Variants in GAS7 observed in about 807,000 individuals in gnomAD.
The protein encoded by GAS7 is growth arrest specific 7.
Under a neutral mutation model 71.1 loss-of-function variants are expected in GAS7, and 28 were observed. That is an observed-to-expected ratio of 0.39 (90% CI 0.29 to 0.54). The LOEUF is 0.54. Ranked by LOEUF, GAS7 falls within the 20% of genes least tolerant of loss-of-function variation. The probability of loss-of-function intolerance (pLI) is 0.62; values close to 1 mark genes in which losing one functional copy is unlikely to be tolerated. For synonymous variants in GAS7, 258 were observed against 245.8 expected (o/e 1.05, Z -0.46); for missense variants, 436 against 627.8 (o/e 0.69, Z 3.27).
rs556034403 is a variant in GAS7, at chr17:10,174,333, A to G, written c.183+23875T>C. On this transcript the variant is annotated intron_variant, in intron 1 of 13. Coordinates refer to ENST00000432992, the MANE Select transcript of GAS7 (RefSeq NM_201433.2). ...TATAGGGGATGCAGTCTGTAGAACA[A>G]ACAGCAACTCACCTTGCAGGGTGAG... Among the ~76,000 whole-genome samples the G allele has an allele frequency of 7.2e-5, 11 of 152,356 alleles. 1 individual carries two copies. Among genetic ancestry groups the G allele is most frequent in the Middle Eastern group, 3.4e-3 (1 of 294 alleles).
intron 1 of GAS7, among the ~76,000 whole-genome samples, chr17:10,031,102 A>G (rs1399793344): frequency 6.6e-6 from 1 of 152,336 alleles, no homozygotes; most frequent in South Asian, 2.1e-4. Context: ...TCTCCCAGCC[A>G]TGGGCCTGAA....
intron 1 of GAS7, among the ~76,000 whole-genome samples, chr17:10,091,686 G>A (rs2073583319): frequency 6.6e-6 from 1 of 151,872 alleles, no homozygotes; most frequent in Non-Finnish European, 1.5e-5. Flanking sequence ...ACGCCCAGCT[G>A]GGGTTTTGTT....
At chr17:10,155,829 T>C (rs1210345890) in intron 1 of GAS7, among the ~76,000 whole-genome samples, 1 of 152,242 alleles carries the variant, frequency 6.6e-6, no homozygotes, top group East Asian at 1.9e-4. Context: ...ATAATGGTCC[T>C]ATTTCCAGAT....
intron 1 of GAS7, among the ~76,000 whole-genome samples, chr17:10,121,017 G>A (rs1001204161): frequency 3.3e-5 from 5 of 152,258 alleles, no homozygotes; most frequent in Admixed American, 1.3e-4. Flanking sequence ...GAGCTGCAAC[G>A]GTCCTCCATC....
At chr17:10,190,030 A>G (rs1358833922) in intron 1 of GAS7, among the ~76,000 whole-genome samples, 1 of 152,154 alleles carries the variant, frequency 6.6e-6, no homozygotes, top group African/African-American at 2.4e-5. Context: ...TCAGTCCATA[A>G]ATAAAGTTTT....
chr17:10,034,763 T>C lies in GAS7; in HGVS notation c.184-14866A>G, dbSNP rs2072707165. 6.6e-6 allele frequency among the ~76,000 whole-genome samples: 1 copy of C among 152,196 alleles called. No homozygotes were observed. The highest frequency in any genetic ancestry group is 1.5e-5 in the Non-Finnish European group (1 of 68,034). ...TGGGCTGTGCCCCAAACACCAAGGA[T>C]CCTGCCTTACTGCACCCAGGATTCT... On this transcript the variant is annotated intron_variant, in intron 1 of 13. Coordinates refer to ENST00000432992, the MANE Select transcript of GAS7 (RefSeq NM_201433.2). The surrounding 1 kb of genome is among the most constrained non-coding windows in gnomAD (Gnocchi z 4.4).
chr17:10,112,854 GAAAA>G (rs1003051337), intron 1 of GAS7, among the ~76,000 whole-genome samples: 1 of 151,316 alleles, frequency 6.6e-6, no homozygotes, highest in South Asian at 2.1e-4. Context: ...GAAAAGAAAA[GAAAA>G]AAAGAAAAAG....
intron 1 of GAS7, among the ~76,000 whole-genome samples, chr17:10,111,038 A>G (rs1301622117): frequency 6.6e-6 from 1 of 152,238 alleles, no homozygotes; most frequent in African/African-American, 2.4e-5. Context: ...CTATTTAGAC[A>G]GGGCTAGTTT....
chr17:9,950,595 C>T (rs2068965238), intron 5 of GAS7, among the ~76,000 whole-genome samples: 3 of 152,152 alleles, frequency 2.0e-5, no homozygotes, highest in Admixed American at 6.6e-5. Context: ...TGGTGGCTCA[C>T]GCCTGTAATC....
chr17:9,936,032 G>A (rs2068388223), intron 8 of GAS7, among the ~76,000 whole-genome samples: 1 of 152,194 alleles, frequency 6.6e-6, no homozygotes, highest in Non-Finnish European at 1.5e-5. Context: ...AGGTTAGGGT[G>A]TTTCCATGGG....
Position 9,934,219 on chromosome 17 carries a change from C to T in GAS7, c.832G>A (p.Val278Met), listed in dbSNP as rs745889411. 6.2e-7 allele frequency: 1 copy of T among 1,612,630 alleles called. No individual in the cohort carries two copies. The highest frequency in any genetic ancestry group is 8.5e-7 in the Non-Finnish European group (1 of 1,178,840). ...GCTTCGTCCGCCAGGCTCTTCTTCA[C>T]CTGGGCCCACGCCTCTCCCAAGGAG... ...EGSLGEAWAQVKKSLADEAEV... is the reference protein window; with the variant it reads ...EGSLGEAWAQMKKSLADEAEV... Residue 278 changes from valine (V) to methionine (M), a missense_variant, in exon 9 of 14, where the codon GTG becomes ATG. By Grantham distance (21) the Val-to-Met change is conservative. Transcript: ENST00000432992.
chr17:10,188,545 C>T lies in GAS7; in HGVS notation c.183+9663G>A, dbSNP rs149387153. Reference sequence around the variant, plus strand: ...AATACCATTTTTTTTTTACATATTTCTGTCTTCAAGCTGTTTTTTAATTAA... The same window carrying T: ...AATACCATTTTTTTTTTACATATTTTTGTCTTCAAGCTGTTTTTTAATTAA... On this transcript the variant is annotated intron_variant, in intron 1 of 13. Coordinates refer to ENST00000432992, the MANE Select transcript of GAS7 (RefSeq NM_201433.2). Among the ~76,000 whole-genome samples the T allele has an allele frequency of 2.4e-3, 372 of 152,180 alleles. 1 individual carries two copies. The highest frequency in any genetic ancestry group is 8.6e-3 in the African/African-American group (359 of 41,506).
intron 1 of GAS7, among the ~76,000 whole-genome samples, chr17:10,145,866 T>C (rs1413353485): frequency 6.6e-6 from 1 of 152,178 alleles, no homozygotes; most frequent in Non-Finnish European, 1.5e-5. Flanking sequence ...GAATGGCTCA[T>C]TATTTTGTTT....
In GAS7 at chr17:9,959,070, C is replaced by T. The variant is rs1414120185; in HGVS notation, c.525+132G>A. The T allele has an allele frequency of 9.7e-6, 13 of 1,340,466 alleles. No homozygotes were observed. The highest frequency in any genetic ancestry group is 8.1e-5 in the Admixed American group (3 of 37,082). The allele number at this position is 1,340,466 out of a possible 1,614,324, so 83.0% of individuals were successfully genotyped here. A position where few individuals can be genotyped will look rare whatever the true frequency, so the allele number is the denominator to read the frequency against. On this transcript the variant is annotated intron_variant, in intron 5 of 13. Transcript: ENST00000432992. This position sits in a 1 kb window ranked among gnomAD's most constrained non-coding sequence, Gnocchi z 5.0. The stretch of plus-strand genomic sequence containing the variant: ...GTGGATGGGGAACTTGAGTGAAATC[C>T]GAGCTTTGGAACTTCCCCGTTTCCA...
intron 2 of GAS7, among the ~76,000 whole-genome samples, chr17:10,016,619 A>C (rs1488890273): frequency 3.4e-5 from 5 of 147,442 alleles, no homozygotes; most frequent in Admixed American, 2.0e-4. Context: ...AAAAAAAAAA[A>C]AAAAACAAAA....
chr17:10,009,671 C>CAAAAAAAAAAAAAAAAAAA (rs373722135), intron 2 of GAS7, among the ~76,000 whole-genome samples: 1 of 78,276 alleles, frequency 1.3e-5, no homozygotes, highest in Non-Finnish European at 2.7e-5. Flanking sequence ...GACCCCTTCT[C>CAAAAAAAAAAAAAAAAAAA]AAAAAAAAAA....
At chr17:10,127,598 G>T (rs796732001) in intron 1 of GAS7, among the ~76,000 whole-genome samples, 16 of 152,278 alleles carry the variant, frequency 1.1e-4, no homozygotes, top group African/African-American at 3.6e-4. Flanking sequence ...CCTCATTCAA[G>T]AATTTTAATT....
chr17:10,152,243 A>T (rs1450233262), intron 1 of GAS7, among the ~76,000 whole-genome samples: 1 of 152,222 alleles, frequency 6.6e-6, no homozygotes, highest in African/African-American at 2.4e-5. Context: ...AAGTTCCCCG[A>T]AAAGATGGGA....
intron 5 of GAS7, among the ~76,000 whole-genome samples, chr17:9,952,552 C>T (rs8072206): frequency 0.43 from 65,560 of 151,938 alleles, 16,492 homozygotes; most frequent in African/African-American, 0.71. Context: ...CCACCATGCC[C>T]GGCTAATTTT....
Sources: allele counts gnomAD v4.1 joint callset (sites outside exome capture counted in the v4.1 genomes callset), GRCh38; gene constraint gnomAD v4.1.1; non-coding constraint Gnocchi (gnomAD v3.1); transcripts MANE v1.5; gene names NCBI Gene and HGNC (gene_info 2026-07-23, HGNC 2026-07-21).